The following KDM4A variants were observed in gnomAD, a reference collection of about 807,000 sequenced individuals.
KDM4A encodes the protein lysine-specific demethylase 4A.
KDM4A carries 23 observed loss-of-function variants against 127.1 expected under a neutral mutation model. The ratio of observed to expected loss-of-function variants is 0.18; its 90% CI spans 0.13 to 0.26. KDM4A has a LOEUF of 0.26. Ranked by LOEUF, KDM4A falls within the 10% of genes least tolerant of loss-of-function variation. The pLI is 1.00. For synonymous variants in KDM4A, 443 were observed against 466.5 expected (o/e 0.95, Z 0.65); for missense variants, 890 against 1,329.1 (o/e 0.67, Z 5.14).
chr1:43,683,603 C>T, intron 11 of KDM4A, 81 bp from the exon 12 acceptor site: 3 of 1,488,486 alleles, frequency 2.0e-6, no homozygotes, highest in Non-Finnish European at 2.7e-6. Flanking sequence ...CCTCTCTTTC[C>T]TTTGGTTTTC....
rs1570891199 is a variant in KDM4A, at chr1:43,705,288, T to G, written c.*918T>G. 6 of 79,658 alleles carry G rather than the reference T, an allele frequency of 7.5e-5. No homozygotes were observed. The highest frequency in any genetic ancestry group is 1.5e-4 in the African/African-American group (3 of 19,456). 4.9% of individuals were successfully genotyped at this position (79,658 alleles called of 1,614,324 possible). On this transcript the variant is annotated 3_prime_UTR_variant, in exon 22 of 22. Coordinates refer to ENST00000372396, the MANE Select transcript of KDM4A (RefSeq NM_014663.3). ...AGGTGGGAGGGAGCTGATTTTGGGG[T>G]GGGGGGTGGGACTAGAGGGCAATAC... is the stretch of plus-strand genomic sequence containing the variant.
chr1:43,653,347 A>G, intron 2 of KDM4A, 34 bp downstream of exon 2: 1 of 1,584,862 alleles, frequency 6.3e-7, no homozygotes, highest in African/African-American at 1.4e-5. Flanking sequence ...TGGTTTTGTT[A>G]CCTAGGGCAG....
At position 43,704,117 on chromosome 1, in the gene KDM4A, GT is replaced by G. The variant is rs1444220281; in HGVS notation, c.3054+6del. 6.2e-7 allele frequency: 1 copy of G among 1,613,692 alleles called. No individual in the cohort carries two copies. The highest frequency in any genetic ancestry group is 8.5e-7 in the Non-Finnish European group (1 of 1,179,600). Reference sequence around the variant, plus strand: ...AAGAGAGTCAAATCTAGACTGGTGAGTATTTTCTGTGTCCCCCCAGTTCCTG... The same window carrying G: ...AAGAGAGTCAAATCTAGACTGGTGAGATTTTCTGTGTCCCCCCAGTTCCTG... On this transcript the variant is annotated splice_donor_region_variant and intron_variant, in intron 21 of 21. Coordinates refer to ENST00000372396, the MANE Select transcript of KDM4A (RefSeq NM_014663.3).
At chr1:43,664,858 C>T (rs1276008312) in intron 5 of KDM4A, among the ~76,000 whole-genome samples, 2 of 152,200 alleles carry the variant, frequency 1.3e-5, no homozygotes, top group Non-Finnish European at 2.9e-5. Flanking sequence ...GTGGGACCTC[C>T]AGAGCCTTCT....
chr1:43,692,091 T>G (rs1241299567), intron 15 of KDM4A, among the ~76,000 whole-genome samples, 165 bp from the exon 16 acceptor site: 1 of 152,242 alleles, frequency 6.6e-6, no homozygotes, highest in Admixed American at 6.5e-5. Flanking sequence ...TGGCCTCTCC[T>G]TCTGACAGGG....
Position 43,665,734 on chromosome 1 carries a change from G to T in KDM4A, c.662G>T (p.Arg221Leu). 1 of 1,614,048 alleles carries T rather than the reference G, an allele frequency of 6.2e-7. No individual in the cohort carries two copies. The change falls in exon 6 of 22, where the codon CGC becomes CTC. Residue 221 changes from arginine to leucine, a missense_variant. By Grantham distance (102) the Arg-to-Leu change is moderately radical. Around this residue, in one of 7 missense-constraint regions of KDM4A, gnomAD observed 141 missense variants for 273.5 expected, o/e 0.52. Coordinates refer to ENST00000372396, the MANE Select transcript of KDM4A (RefSeq NM_014663.3). Reference sequence around the variant, plus strand: ...CCTGAGCATGGAAAGCGGTTGGAACGCCTCGCCAAAGGTACTGTGTCTCTT... The same window carrying T: ...CCTGAGCATGGAAAGCGGTTGGAACTCCTCGCCAAAGGTACTGTGTCTCTT... ...VPPEHGKRLERLAKGFFPGSA... is the reference protein window; with the variant it reads ...VPPEHGKRLELLAKGFFPGSA...
chr1:43,693,612 C>T lies in KDM4A; in HGVS notation c.2376-382C>T, dbSNP rs1184848443. On this transcript the variant is annotated intron_variant, in intron 16 of 21. Transcript: ENST00000372396. This position sits in a 1 kb window ranked among gnomAD's most constrained non-coding sequence, Gnocchi z 4.2. Reference sequence around the variant, plus strand: ...GATTACTGGCAGATTAGGGCACAGCCGGGGACGTTTTCAGGAAGCACTTGG... The same window carrying T: ...GATTACTGGCAGATTAGGGCACAGCTGGGGACGTTTTCAGGAAGCACTTGG... Among the ~76,000 whole-genome samples, 1 of 151,838 alleles carries T rather than the reference C, an allele frequency of 6.6e-6. No homozygotes were observed. The highest frequency in any genetic ancestry group is 1.9e-4 in the East Asian group (1 of 5,196).
Position 43,703,654 on chromosome 1 carries a change from G to A in KDM4A, c.2879G>A (p.Gly960Glu). The A allele has an allele frequency of 6.2e-7, 1 of 1,614,096 alleles. No individual in the cohort carries two copies. The highest frequency in any genetic ancestry group is 8.5e-7 in the Non-Finnish European group (1 of 1,179,998). Residue 960 changes from glycine (G) to glutamate (E), a missense_variant, in exon 20 of 22, where the codon GGG (glycine) becomes GAG (glutamate). Gly to Glu is a moderately conservative substitution (Grantham distance 98). This residue lies in a region of KDM4A where 246 missense variants were observed against 418.4 expected (regional missense o/e 0.59). Coordinates refer to ENST00000372396, the MANE Select transcript of KDM4A (RefSeq NM_014663.3). ...DCLQFGPPAE[G>E]EVVQVRWTDG... Reference sequence around the variant, plus strand: ...CTCCAGTTTGGTCCTCCTGCTGAAGGGGAAGTGGTCCAAGTGAGATGGACA... The same window carrying A: ...CTCCAGTTTGGTCCTCCTGCTGAAGAGGAAGTGGTCCAAGTGAGATGGACA...
chr1:43,666,926 C>T (rs1660512540), intron 7 of KDM4A, 28 bp from the exon 8 acceptor site: 3 of 1,611,316 alleles, frequency 1.9e-6, no homozygotes, highest in African/African-American at 1.3e-5. Flanking sequence ...CCATTTGAAG[C>T]AGCTGCTTCA....
rs1243002155 is a variant in KDM4A at position 43,662,879 on chromosome 1, T to C, written c.430-15T>C. The C allele has an allele frequency of 1.9e-6, 3 of 1,600,426 alleles. No homozygotes were observed. Among genetic ancestry groups the C allele is most frequent in the Non-Finnish European group, 2.6e-6 (3 of 1,171,242 alleles). ...TGCAAATGTAACTTGCCCTGGACTG[T>C]CATTGCCTTTGCAGCATGTTGATGA... On this transcript the variant is annotated splice_polypyrimidine_tract_variant and intron_variant, in intron 4 of 21. Transcript: ENST00000372396.
Position 43,694,873 on chromosome 1 carries a change from G to A in KDM4A, c.2649G>A (p.Arg883=). ...WPFVVFITCF[R]HKIPNLERAK... ...TTGTGGTCTTCATTACCTGCTTTCG[G>A]CACAAGATTCCTAATTTGGAGGTGA... Residue 883 remains arginine (R), a synonymous_variant, in exon 18 of 22, where the codon CGG becomes CGA. Transcript: ENST00000372396. This position sits in a 1 kb window ranked among gnomAD's most constrained non-coding sequence, Gnocchi z 5.2. 1 of 1,596,668 alleles carries A rather than the reference G, an allele frequency of 6.3e-7. No homozygotes were observed.
rs77960240 is a variant in KDM4A, at chr1:43,699,641, T to C, written c.2841+1628T>C. The C allele has an allele frequency of 1.5e-3, 232 of 152,230 alleles. 1 individual carries two copies. Among genetic ancestry groups the C allele is most frequent in the African/African-American group, 5.5e-3 (228 of 41,536 alleles). The allele number at this position is 152,230 out of a possible 1,614,324, so 9.4% of individuals were successfully genotyped here. On this transcript the variant is annotated intron_variant, in intron 19 of 21. Coordinates refer to ENST00000372396, the MANE Select transcript of KDM4A (RefSeq NM_014663.3). ...AAGCAGATTGATTTAAAATAATCAA[T>C]TTTTTTAGATTAAAAATAACTTTTC...
intron 21 of KDM4A, 57 bp from the exon 22 acceptor site, chr1:43,704,173 C>T (rs1661484066): frequency 6.2e-7 from 1 of 1,612,884 alleles, no homozygotes; most frequent in Non-Finnish European, 8.5e-7. Flanking sequence ...GTCAAGGATG[C>T]ATCCCTTTGT....
chr1:43,659,010 T>C (rs1660312491), intron 3 of KDM4A, among the ~76,000 whole-genome samples: 1 of 152,014 alleles, frequency 6.6e-6, no homozygotes, highest in African/African-American at 2.4e-5. Context: ...GTATAGATAT[T>C]TTTAGACTGG....
chr1:43,669,033 G>A (rs1570832505), intron 9 of KDM4A, 67 bp from the exon 10 acceptor site: 4 of 1,535,292 alleles, frequency 2.6e-6, no homozygotes, highest in Admixed American at 3.4e-5. Context: ...GTGTGGATGT[G>A]TATGAATGTG....
At chr1:43,665,820 T>C in intron 6 of KDM4A, 75 bp downstream of exon 6, 2 of 1,465,492 alleles carry the variant, frequency 1.4e-6, no homozygotes, top group South Asian at 1.1e-5. Context: ...AAAATGTGCG[T>C]TCCCCATGGT....
chr1:43,690,237 C>T (rs1216960289), intron 13 of KDM4A, among the ~76,000 whole-genome samples: 1 of 152,212 alleles, frequency 6.6e-6, no homozygotes, highest in African/African-American at 2.4e-5. Context: ...GGAGCATCTG[C>T]TCTGGGTACA....
intron 11 of KDM4A, among the ~76,000 whole-genome samples, chr1:43,677,049 A>C (rs1660756143): frequency 6.6e-6 from 1 of 152,128 alleles, no homozygotes; most frequent in African/African-American, 2.4e-5. Context: ...ATCTCTGAAT[A>C]ATATGGTCAT....
intron 5 of KDM4A, among the ~76,000 whole-genome samples, chr1:43,664,409 C>T (rs928863641): frequency 6.6e-6 from 1 of 151,986 alleles, no homozygotes; most frequent in Admixed American, 6.6e-5. Flanking sequence ...CTACTAAAAA[C>T]ACAAAATTAG....
Sources: allele counts gnomAD v4.1 joint callset (sites outside exome capture counted in the v4.1 genomes callset), GRCh38; gene constraint gnomAD v4.1.1; regional missense constraint gnomAD v4.1.1; non-coding constraint Gnocchi (gnomAD v3.1); transcripts MANE v1.5; gene names NCBI Gene and HGNC (gene_info 2026-07-23, HGNC 2026-07-21).